The following TRPM2 variants were observed in gnomAD, a reference collection of about 807,000 sequenced individuals.
TRPM2 encodes transient receptor potential cation channel subfamily M member 2, also known as estrogen-responsive element-associated gene 1 protein.
In TRPM2, 161 loss-of-function variants were observed where a neutral mutation model predicts 174.0. That is an observed-to-expected ratio of 0.93 (90% CI 0.81 to 1.05). TRPM2 has a LOEUF of 1.05. Among genes scored for constraint, TRPM2 ranks in the 50% least tolerant of loss-of-function variants. TRPM2 has a pLI of 0.00. For missense variants in TRPM2, 2,057 were observed against 2,038.0 expected (o/e 1.01, Z -0.18); for synonymous variants, 954 against 861.3 (o/e 1.11, Z -1.88).
Position 44,382,805 on chromosome 21 carries a change from C to T in TRPM2, c.1303C>T (p.Gln435Ter). 1 of 1,613,448 alleles carries T rather than the reference C, an allele frequency of 6.2e-7. No homozygotes were observed. The highest frequency in any genetic ancestry group is 1.3e-5 in the African/African-American group (1 of 75,038). ...GQQDVDVAIL[Q>*]ALLKASRSQD... ...GCAGGACGTGGATGTGGCCATCTTG[C>T]AGGCCTTGCTGAAAGGTGAGGGTCA... The change falls in exon 9 of 32, where the codon CAG (glutamine) becomes TAG (stop). Residue 435 changes from glutamine to a stop codon, truncating the protein, a stop_gained. Transcript: ENST00000397928. LOFTEE classifies it high-confidence loss of function.
intron 2 of TRPM2, among the ~76,000 whole-genome samples, chr21:44,359,755 A>AT (rs757501715): frequency 9.9e-5 from 14 of 141,900 alleles, no homozygotes; most frequent in African/African-American, 2.4e-4. Context: ...ATATATATAT[A>AT]TATTTTTTTT....
intron 8 of TRPM2, 122 bp from the exon 9 acceptor site, chr21:44,382,596 G>A: frequency 1.2e-6 from 1 of 840,544 alleles, no homozygotes; most frequent in Non-Finnish European, 1.9e-6. Flanking sequence ...GTGGTGTCCT[G>A]GCCACAAGCG....
In TRPM2 at chr21:44,366,659, C is replaced by T. The variant is rs573418841; in HGVS notation, c.424-95C>T. 187 of 1,560,818 alleles carry T rather than the reference C, an allele frequency of 1.2e-4. 2 individuals are homozygous for T. In the South Asian group the frequency reaches 1.5e-3, roughly 13 times the overall value. ...AGCCGGAAAGGTGTGCGGTGTCTGC[C>T]GCCCGCTGGGGCCTCTCTGCATGGC... On this transcript the variant is annotated intron_variant, in intron 3 of 31. Coordinates refer to ENST00000397928, the MANE Select transcript of TRPM2 (RefSeq NM_003307.4). This position sits in a 1 kb window ranked among gnomAD's most constrained non-coding sequence, Gnocchi z 6.0.
At chr21:44,408,766 T>C (rs529362162) in intron 19 of TRPM2, among the ~76,000 whole-genome samples, 2 of 149,952 alleles carry the variant, frequency 1.3e-5, no homozygotes, top group East Asian at 2.0e-4. Context: ...CAAGTGATTC[T>C]CCTGCCTCAG....
chr21:44,362,165 C>T (rs982537341), intron 2 of TRPM2, among the ~76,000 whole-genome samples: 1 of 151,984 alleles, frequency 6.6e-6, no homozygotes, highest in Non-Finnish European at 1.5e-5. Context: ...ATCTCTGTCC[C>T]CTTCTTAATC....
At chr21:44,440,712 G>A in intron 30 of TRPM2, 77 bp from the exon 31 acceptor site, 1 of 1,250,848 alleles carries the variant, frequency 8.0e-7, no homozygotes, top group East Asian at 2.3e-5. Flanking sequence ...GCTGGGTCAG[G>A]GTGGAGGGCA....
intron 29 of TRPM2, 63 bp downstream of exon 29, chr21:44,437,230 T>C: frequency 6.8e-7 from 1 of 1,462,054 alleles, no homozygotes; most frequent in Non-Finnish European, 9.3e-7. Context: ...CGTCCATTCA[T>C]CCATTCTGCC....
chr21:44,366,880 C>G lies in TRPM2; in HGVS notation c.550C>G (p.Pro184Ala), dbSNP rs768994179. The change falls in exon 4 of 32, where the codon CCG becomes GCG. Residue 184 changes from proline (P) to alanine (A), a missense_variant. Pro to Ala is a conservative substitution (Grantham distance 27). Coordinates refer to ENST00000397928, the MANE Select transcript of TRPM2 (RefSeq NM_003307.4). The surrounding 1 kb of genome is among the most constrained non-coding windows in gnomAD (Gnocchi z 6.0). ...TGGAKNFNMK[P>A]RLKSIFRRGL... ...GGGGGCCAAGAACTTCAACATGAAG[C>G]CGCGGCTGAAGAGCATTTTCCGCAG... is the stretch of plus-strand genomic sequence containing the variant. The G allele has an allele frequency of 1.2e-6, 2 of 1,612,742 alleles. No homozygotes were observed. Among genetic ancestry groups the G allele is most frequent in the East Asian group, 4.5e-5 (2 of 44,866 alleles).
chr21:44,403,904 CACAT>C (rs1339394528), intron 16 of TRPM2, among the ~76,000 whole-genome samples: 1 of 151,740 alleles, frequency 6.6e-6, no homozygotes, highest in African/African-American at 2.4e-5. Flanking sequence ...ATACAGCACA[CACAT>C]GCATACACAC....
At chr21:44,370,194 G>A (rs1013545937) in intron 5 of TRPM2, among the ~76,000 whole-genome samples, 1 of 152,124 alleles carries the variant, frequency 6.6e-6, no homozygotes, top group Non-Finnish European at 1.5e-5. Flanking sequence ...AGCAGAGGGA[G>A]GGGGCGTGGC....
In TRPM2 at chr21:44,401,870, C is replaced by G; in HGVS notation, c.2511C>G (p.Phe837Leu). Residue 837 changes from phenylalanine (F) to leucine (L), a missense_variant, in exon 16 of 32, where the codon TTC (phenylalanine) becomes TTG (leucine). Coordinates refer to ENST00000397928, the MANE Select transcript of TRPM2 (RefSeq NM_003307.4). ...AGTGTGCCATCTACCTCTGGCTCTT[C>G]TCCTTGGTGTGCGAGGAGATGCGGC... ...WCECAIYLWL[F>L]SLVCEEMRQL... 1 of 1,613,354 alleles carries G rather than the reference C, an allele frequency of 6.2e-7. No homozygotes were observed. Among genetic ancestry groups the G allele is most frequent in the Non-Finnish European group, 8.5e-7 (1 of 1,180,000 alleles).
intron 5 of TRPM2, among the ~76,000 whole-genome samples, chr21:44,375,387 T>A (rs1311548308): frequency 6.6e-6 from 1 of 152,228 alleles, no homozygotes; most frequent in Non-Finnish European, 1.5e-5. Context: ...CAGACCTGTA[T>A]CCGTTTCCTG....
Position 44,405,158 on chromosome 21 carries a change from A to G in TRPM2, c.2555A>G (p.Asp852Gly), listed in dbSNP as rs762248234. 44 of 1,613,338 alleles carry G rather than the reference A, an allele frequency of 2.7e-5. No individual in the cohort carries two copies. The highest frequency in any genetic ancestry group is 3.5e-5 in the Non-Finnish European group (41 of 1,179,934). Residue 852 changes from aspartate to glycine, a missense_variant, in exon 17 of 32, where the codon GAC (aspartate) becomes GGC (glycine). Coordinates refer to ENST00000397928, the MANE Select transcript of TRPM2 (RefSeq NM_003307.4). ...EEMRQLFYDP[D>G]ECGLMKKAAL... ...TCCCAGTAGCTCTTCTATGACCCTGACGAGTGCGGGCTGATGAAGAAGGCA... is the reference window on the plus strand; with the variant it reads ...TCCCAGTAGCTCTTCTATGACCCTGGCGAGTGCGGGCTGATGAAGAAGGCA...
Position 44,366,617 on chromosome 21 carries a change from C to CCATG in TRPM2, c.424-136_424-135insATGC. ...GATCTGTGCCCTGCCCACATGGGGA[C>CCATG]CCCTTTTCTGGGTCTGAGCCGGAAA... On this transcript the variant is annotated intron_variant, in intron 3 of 31. Transcript: ENST00000397928. This position sits in a 1 kb window ranked among gnomAD's most constrained non-coding sequence, Gnocchi z 6.0. 5 of 1,131,588 alleles carry CCATG rather than the reference C, an allele frequency of 4.4e-6. No homozygotes were observed. Among genetic ancestry groups the CCATG allele is most frequent in the Non-Finnish European group, 6.3e-6 (5 of 791,686 alleles). The allele number at this position is 1,131,588 out of a possible 1,614,324, so 70.1% of individuals were successfully genotyped here.
rs201678279 is a variant in TRPM2, at chr21:44,439,050, G to A, written c.4168-17G>A. On this transcript the variant is annotated splice_polypyrimidine_tract_variant and intron_variant, in intron 29 of 31. Coordinates refer to ENST00000397928, the MANE Select transcript of TRPM2 (RefSeq NM_003307.4). The surrounding 1 kb of genome is among the most constrained non-coding windows in gnomAD (Gnocchi z 5.1). Reference sequence around the variant, plus strand: ...TTCGGTGCCCTGTTGACCTGCCTCCGTCCTCTGTCTGTCCAGGGCTCCCGG... The same window carrying A: ...TTCGGTGCCCTGTTGACCTGCCTCCATCCTCTGTCTGTCCAGGGCTCCCGG... 2.4e-4 allele frequency: 379 copies of A among 1,608,440 alleles called. No homozygotes were observed. The highest frequency in any genetic ancestry group is 3.0e-4 in the Non-Finnish European group (348 of 1,177,120).
At chr21:44,402,037 C>A in intron 16 of TRPM2, 140 bp downstream of exon 16, 1 of 990,122 alleles carries the variant, frequency 1.0e-6, no homozygotes, top group Non-Finnish European at 1.5e-6. Context: ...GTGTTTCCTC[C>A]CCAAAATGGG....
chr21:44,406,860 C>A, intron 19 of TRPM2, 95 bp downstream of exon 19: 1 of 1,470,344 alleles, frequency 6.8e-7, no homozygotes, highest in Middle Eastern at 2.4e-4. Context: ...AGGCCGGCTC[C>A]ATCAGGGGGT....
chr21:44,426,933 G>C, intron 26 of TRPM2, 77 bp from the exon 27 acceptor site: 1 of 1,456,794 alleles, frequency 6.9e-7, no homozygotes. Flanking sequence ...CCTTGGTGGG[G>C]GGGTGATCCC....
chr21:44,378,954 G>A, intron 7 of TRPM2, 43 bp from the exon 8 acceptor site: 1 of 1,585,894 alleles, frequency 6.3e-7, no homozygotes, highest in Non-Finnish European at 8.6e-7. Flanking sequence ...CATCGGAGCG[G>A]TGAGGACCCA....
Sources: gnomAD v4.1 joint callset for allele counts (sites outside exome capture counted in the v4.1 genomes callset) on GRCh38, gnomAD v4.1.1 for gene constraint, Gnocchi (gnomAD v3.1) non-coding constraint, MANE v1.5 for transcripts, NCBI Gene and HGNC (gene_info 2026-07-23, HGNC 2026-07-21) for gene names.